Variants in TRHDE observed in about 807,000 individuals in gnomAD.
The protein encoded by TRHDE is thyrotropin-releasing hormone-degrading ectoenzyme.
A neutral mutation model predicts 125.7 loss-of-function variants in TRHDE; 72 were observed. That is an observed-to-expected ratio of 0.57 (90% CI 0.47 to 0.70). The LOEUF is 0.70. Among genes scored for constraint, TRHDE ranks in the 30% least tolerant of loss-of-function variants. The probability of loss-of-function intolerance (pLI) is 0.00; values close to 1 mark genes in which losing one functional copy is unlikely to be tolerated. For synonymous variants in TRHDE, 509 were observed against 509.1 expected (o/e 1.00, Z 0.00); for missense variants, 1,110 against 1,327.1 (o/e 0.84, Z 2.54).
Position 72,600,959 on chromosome 12 carries a change from A to G in TRHDE, c.2322-17932A>G, listed in dbSNP as rs1592564894. ...ACATCCATTCTACAACCTGTAGATC[A>G]AGGAATAATTTTGACTTTTAAGTCT... On this transcript the variant is annotated intron_variant, in intron 12 of 18. Coordinates refer to ENST00000261180, the MANE Select transcript of TRHDE (RefSeq NM_013381.3). 1.3e-5 allele frequency among the ~76,000 whole-genome samples: 2 copies of G among 152,102 alleles called. 1 individual carries two copies. Among genetic ancestry groups the G allele is most frequent in the South Asian group, 4.1e-4 (2 of 4,826 alleles).
intron 3 of TRHDE, among the ~76,000 whole-genome samples, chr12:72,381,132 G>A (rs1206559505): frequency 6.6e-6 from 1 of 152,126 alleles, no homozygotes; most frequent in Non-Finnish European, 1.5e-5. Context: ...GCTGCTAGCA[G>A]TTGGTAGAGG....
intron 6 of TRHDE, among the ~76,000 whole-genome samples, chr12:72,520,448 T>G (rs901941332): frequency 3.3e-5 from 5 of 152,156 alleles, no homozygotes; most frequent in African/African-American, 9.7e-5. Flanking sequence ...GAAAGGGAAC[T>G]CCCTGACCCT....
intron 2 of TRHDE, among the ~76,000 whole-genome samples, chr12:72,224,146 CTATGTATGTATGTATG>C (rs10647795): frequency 1.1e-4 from 5 of 46,356 alleles, no homozygotes; most frequent in East Asian, 4.2e-4. Flanking sequence ...ATCTATTTAT[CTATGTATGTATGTATG>C]TATGTATCTA....
Position 72,669,998 on chromosome 12 carries a change from T to C in TRHDE, c.*6803T>C, listed in dbSNP as rs1285874755. On this transcript the variant is annotated 3_prime_UTR_variant, in exon 19 of 19. Transcript: ENST00000261180. ...AATAAGAGAAATTCTATCTTTGAGCTTTCATAATTGGCTTTCTGGACACCA... is the reference window on the plus strand; with the variant it reads ...AATAAGAGAAATTCTATCTTTGAGCCTTCATAATTGGCTTTCTGGACACCA... 6.6e-6 allele frequency: 1 copy of C among 151,778 alleles called. No individual in the cohort carries two copies. The highest frequency in any genetic ancestry group is 6.6e-5 in the Admixed American group (1 of 15,190). The allele number at this position is 151,778 out of a possible 1,614,324, so 9.4% of individuals were successfully genotyped here.
intron 6 of TRHDE, 132 bp from the exon 7 acceptor site, chr12:72,542,159 A>C: frequency 1.8e-6 from 1 of 556,318 alleles, no homozygotes; most frequent in Non-Finnish European, 2.9e-6. Flanking sequence ...TGTTGTTTTC[A>C]TGATACTGCT....
chr12:72,443,507 G>T (rs1314051920), intron 3 of TRHDE, among the ~76,000 whole-genome samples: 1 of 151,556 alleles, frequency 6.6e-6, no homozygotes, highest in Non-Finnish European at 1.5e-5. Context: ...CTAGGATTGA[G>T]CATAATAGCT....
intron 6 of TRHDE, among the ~76,000 whole-genome samples, chr12:72,507,208 G>A (rs941115539): frequency 3.2e-4 from 48 of 152,246 alleles, no homozygotes; most frequent in African/African-American, 1.1e-3. Flanking sequence ...ATAGCAATGT[G>A]AGAACTAATA....
chr12:72,093,889 G>T (rs1288214518), intron 1 of TRHDE, among the ~76,000 whole-genome samples: 2 of 152,156 alleles, frequency 1.3e-5, no homozygotes, highest in African/African-American at 4.8e-5. Flanking sequence ...ATGTTTGACT[G>T]GTTCTTTATG....
intron 12 of TRHDE, among the ~76,000 whole-genome samples, chr12:72,589,281 T>G (rs1871571124): frequency 6.6e-6 from 1 of 152,212 alleles, no homozygotes; most frequent in Admixed American, 6.5e-5. Flanking sequence ...TGATGACCAA[T>G]GATGTTGAGA....
At chr12:72,289,860 A>G (rs988667551) in intron 2 of TRHDE, among the ~76,000 whole-genome samples, 1 of 152,188 alleles carries the variant, frequency 6.6e-6, no homozygotes, top group Non-Finnish European at 1.5e-5. Flanking sequence ...TTTGCTTCCC[A>G]GTTTCACTTA....
chr12:72,363,019 T>C (rs1264622284), intron 2 of TRHDE, among the ~76,000 whole-genome samples: 1 of 152,054 alleles, frequency 6.6e-6, no homozygotes, highest in Non-Finnish European at 1.5e-5. Context: ...GCTTTGTTCT[T>C]TTGGCTTAGG....
rs2139406176 is a variant in TRHDE, at chr12:72,273,047, G to A, written c.404G>A (p.Gly135Glu). Residue 135 changes from glycine (G) to glutamate (E), a missense_variant, in exon 1 of 19, where the codon GGG becomes GAG. Coordinates refer to ENST00000261180, the MANE Select transcript of TRHDE (RefSeq NM_013381.3). This position sits in a 1 kb window ranked among gnomAD's most constrained non-coding sequence, Gnocchi z 5.3. Reference protein sequence around the residue: ...PSGFPERGGNGSLPGSARRNH... With the variant: ...PSGFPERGGNESLPGSARRNH... ...GGCTTTCCGGAGCGCGGCGGCAACGGGAGCCTCCCTGGATCGGCCCGGCGC... is the reference window on the plus strand; with the variant it reads ...GGCTTTCCGGAGCGCGGCGGCAACGAGAGCCTCCCTGGATCGGCCCGGCGC... 1.3e-6 allele frequency: 2 copies of A among 1,537,226 alleles called. No individual in the cohort carries two copies. The highest frequency in any genetic ancestry group is 1.2e-5 in the South Asian group (1 of 84,266).
At chr12:72,627,389 T>C (rs547069104) in intron 15 of TRHDE, among the ~76,000 whole-genome samples, 65 of 151,886 alleles carry the variant, frequency 4.3e-4, no homozygotes, top group Non-Finnish European at 7.5e-4. Flanking sequence ...TCAGTAGTTA[T>C]AGCTATTCAG....
chr12:72,610,580 A>C (rs956546897), intron 12 of TRHDE: 4 of 152,192 alleles, frequency 2.6e-5, no homozygotes, highest in Non-Finnish European at 4.4e-5. Flanking sequence ...TGCAGCAAAC[A>C]GTTCGGGTGC....
Position 72,129,813 on chromosome 12 carries a change from G to T in TRHDE, n.279+24061G>T, listed in dbSNP as rs532274009. 3.3e-5 allele frequency among the ~76,000 whole-genome samples: 5 copies of T among 152,240 alleles called. No individual in the cohort carries two copies. The East Asian group carries it at 9.6e-4, about 29-fold the overall frequency. Reference sequence around the variant, plus strand: ...TTGTTGAATGCAAAATCCAATAATAGTTCTCTATTCCAGTAAAGACCAATT... The same window carrying T: ...TTGTTGAATGCAAAATCCAATAATATTTCTCTATTCCAGTAAAGACCAATT... On this transcript the variant is annotated intron_variant and non_coding_transcript_variant, in intron 2 of 4. Coordinates refer to the TRHDE transcript ENST00000548156.
chr12:72,560,426 C>T (rs1306245993), intron 7 of TRHDE: 1 of 152,146 alleles, frequency 6.6e-6, no homozygotes, highest in Non-Finnish European at 1.5e-5. Context: ...TTATAGTATT[C>T]CTTTATTTCC....
At chr12:72,398,686 C>T (rs573825727) in intron 3 of TRHDE, among the ~76,000 whole-genome samples, 1 of 152,256 alleles carries the variant, frequency 6.6e-6, no homozygotes, top group East Asian at 1.9e-4. Flanking sequence ...TTTAAGTCAG[C>T]AGAACAGCAT....
intron 2 of TRHDE, 30 bp downstream of exon 2, chr12:72,286,984 G>C: frequency 6.2e-7 from 1 of 1,606,050 alleles, no homozygotes; most frequent in Non-Finnish European, 8.5e-7. Context: ...TGATGTTTTT[G>C]GATAATGTAC....
chr12:72,112,837 A>G (rs1320409183), intron 2 of TRHDE, among the ~76,000 whole-genome samples: 4 of 152,136 alleles, frequency 2.6e-5, no homozygotes, highest in Non-Finnish European at 4.4e-5. Flanking sequence ...GTGAAGCCCA[A>G]TTTTTAGCCA....
Sources: gnomAD v4.1 joint callset for allele counts (sites outside exome capture counted in the v4.1 genomes callset) on GRCh38, gnomAD v4.1.1 for gene constraint, Gnocchi (gnomAD v3.1) non-coding constraint, MANE v1.5 for transcripts, NCBI Gene and HGNC (gene_info 2026-07-23, HGNC 2026-07-21) for gene names.